Variants in SLC18B1 observed in about 807,000 individuals in gnomAD.
SLC18B1 encodes the protein solute carrier family 18 member B1.
A neutral mutation model predicts 53.9 loss-of-function variants in SLC18B1; 62 were observed. The ratio of observed to expected loss-of-function variants is 1.15; its 90% CI spans 0.94 to 1.42. SLC18B1 has a LOEUF of 1.42. Among genes scored for constraint, SLC18B1 ranks in the 40% most tolerant of loss-of-function variants. The pLI is 0.00. For missense variants in SLC18B1, 598 were observed against 547.3 expected (o/e 1.09, Z -0.93); for synonymous variants, 217 against 200.9 (o/e 1.08, Z -0.68).
chr6:132,780,614 T>C (rs1781213389), intron 6 of SLC18B1, among the ~76,000 whole-genome samples: 1 of 135,274 alleles, frequency 7.4e-6, no homozygotes, highest in Non-Finnish European at 1.5e-5. Flanking sequence ...TTTTTTGGAG[T>C]GCAGTGGTGC....
chr6:132,789,724 A>G (rs780048595), intron 4 of SLC18B1, 40 bp downstream of exon 4: 1 of 1,368,060 alleles, frequency 7.3e-7, no homozygotes, highest in Non-Finnish European at 1.0e-6. Flanking sequence ...ACATTACAAA[A>G]TCTGTTCAAG....
At chr6:132,794,107 A>ATT (rs55943508) in intron 2 of SLC18B1, among the ~76,000 whole-genome samples, 4,951 of 137,954 alleles carry the variant, frequency 0.036, 132 homozygotes, top group African/African-American at 0.066. Flanking sequence ...TTTTTTTTTA[A>ATT]TTTTTTTTTT....
chr6:132,798,443 C>T lies in SLC18B1; in HGVS notation c.14G>A (p.Gly5Asp). The change falls in exon 1 of 14, where the codon GGT becomes GAT. Residue 5 changes from glycine (G) to aspartate (D), a missense_variant. By Grantham distance (94) the Gly-to-Asp change is moderately conservative. Transcript: ENST00000275227. The stretch of plus-strand genomic sequence containing the variant: ...TGGTGCGCGTGGTCCCTCCAGGTCA[C>T]CCAGCGCCTCCATCCCCGGTGCGTG... MEAL[G>D]DLEGPRAPGG... The T allele has an allele frequency of 1.3e-6, 2 of 1,526,676 alleles. No homozygotes were observed. Among genetic ancestry groups the T allele is most frequent in the East Asian group, 2.6e-5 (1 of 38,794 alleles). 94.6% of individuals were successfully genotyped at this position (1,526,676 alleles called of 1,614,324 possible).
intron 5 of SLC18B1, among the ~76,000 whole-genome samples, chr6:132,786,521 C>G (rs559204015): frequency 2.8e-5 from 4 of 144,032 alleles, no homozygotes; most frequent in African/African-American, 1.0e-4. Flanking sequence ...TGCACTCCAG[C>G]CTGGGCTACG....
intron 4 of SLC18B1, among the ~76,000 whole-genome samples, chr6:132,789,171 T>G (rs536157186): frequency 4.6e-5 from 7 of 152,218 alleles, no homozygotes; most frequent in Non-Finnish European, 1.0e-4. Flanking sequence ...GGAAACCATT[T>G]TGTTCCATGC....
intron 1 of SLC18B1, among the ~76,000 whole-genome samples, chr6:132,797,351 G>C (rs895235443): frequency 2.6e-5 from 4 of 152,238 alleles, no homozygotes; most frequent in Non-Finnish European, 5.9e-5. Context: ...TGTAATCCCA[G>C]AACTTTGGGA....
chr6:132,776,536 A>G (rs1781105411), intron 7 of SLC18B1, 107 bp from the exon 8 acceptor site: 1 of 745,394 alleles, frequency 1.3e-6, no homozygotes, highest in Non-Finnish European at 2.1e-6. Flanking sequence ...TGAGTCTACT[A>G]ATAATATTCT....
rs574071799 is a variant in SLC18B1 at position 132,776,317 on chromosome 6, A to G, written c.897+11T>C. ...ACAAAAGTGACTCAAATATAAATTA[A>G]GTGTACGTACTGGCCTTTTATCACT... On this transcript the variant is annotated intron_variant, in intron 8 of 13. Coordinates refer to ENST00000275227, the MANE Select transcript of SLC18B1 (RefSeq NM_052831.3). 1.3e-6 allele frequency: 2 copies of G among 1,595,786 alleles called. No homozygotes were observed. Among genetic ancestry groups the G allele is most frequent in the South Asian group, 1.1e-5 (1 of 89,588 alleles).
chr6:132,796,922 G>C, intron 2 of SLC18B1, 60 bp downstream of exon 2: 1 of 1,529,154 alleles, frequency 6.5e-7, no homozygotes, highest in East Asian at 2.3e-5. Flanking sequence ...TAATTCAAAA[G>C]GCTTTTAAAA....
At chr6:132,781,423 T>C (rs1781232331) in intron 6 of SLC18B1, among the ~76,000 whole-genome samples, 1 of 151,952 alleles carries the variant, frequency 6.6e-6, no homozygotes, top group South Asian at 2.1e-4. Flanking sequence ...TGGCACTACT[T>C]ACACAAAATC....
intron 5 of SLC18B1, among the ~76,000 whole-genome samples, chr6:132,785,897 C>CAAAAAAAAAAAAAAAAAAAAAA (rs71545048): frequency 2.6e-4 from 21 of 81,172 alleles, no homozygotes; most frequent in African/African-American, 4.0e-4. Flanking sequence ...CCTGTCTCTA[C>CAAAAAAAAAAAAAAAAAAAAAA]AAAAAAAAAA....
intron 4 of SLC18B1, chr6:132,789,360 T>C (rs1427912616): frequency 6.1e-6 from 1 of 162,838 alleles, no homozygotes; most frequent in Non-Finnish European, 1.3e-5. Context: ...AGGGGAGGGC[T>C]TGTTCAAATC....
rs1780958065 is a variant in SLC18B1, at chr6:132,771,040, A to T, written c.1250T>A (p.Ile417Lys). The change falls in exon 12 of 14, where the codon ATA becomes AAA. Residue 417 changes from isoleucine (I) to lysine (K), a missense_variant. By Grantham distance (102) the Ile-to-Lys change is moderately radical. Coordinates refer to ENST00000275227, the MANE Select transcript of SLC18B1 (RefSeq NM_052831.3). ...AAAIQGLWAL[I>K]SGLAMGLFYL... is the part of the protein sequence containing the mutation. ...AATAAAAGACTGATTACTCACACTTATCAGAGCCCATAGACCTTGTATAGC... is the reference window on the plus strand; with the variant it reads ...AATAAAAGACTGATTACTCACACTTTTCAGAGCCCATAGACCTTGTATAGC... The T allele has an allele frequency of 6.2e-7, 1 of 1,613,788 alleles. No homozygotes were observed. Among genetic ancestry groups the T allele is most frequent in the African/African-American group, 1.3e-5 (1 of 74,924 alleles).
At chr6:132,777,163 C>T (rs542183104) in intron 7 of SLC18B1, among the ~76,000 whole-genome samples, 1 of 151,910 alleles carries the variant, frequency 6.6e-6, no homozygotes, top group African/African-American at 2.4e-5. Flanking sequence ...ATTGCTTGAA[C>T]TTAGGAGGCA....
intron 7 of SLC18B1, among the ~76,000 whole-genome samples, chr6:132,777,947 C>T (rs1781140307): frequency 6.6e-6 from 1 of 152,152 alleles, no homozygotes; most frequent in Admixed American, 6.5e-5. Flanking sequence ...TTTGTGTGAG[C>T]AATAAAGCTT....
chr6:132,795,413 C>T (rs1781651237), intron 2 of SLC18B1, among the ~76,000 whole-genome samples: 1 of 152,156 alleles, frequency 6.6e-6, no homozygotes, highest in South Asian at 2.1e-4. Context: ...ACCGTTTCTT[C>T]ATTTGCAACA....
chr6:132,792,280 AAAGG>A (rs1257594115), intron 2 of SLC18B1, among the ~76,000 whole-genome samples: 683 of 42,632 alleles, frequency 0.016, 78 homozygotes, highest in African/African-American at 0.028. Flanking sequence ...AGAAAGAAAG[AAAGG>A]AAGAAAGGAA....
chr6:132,787,238 G>A (rs542272315), intron 5 of SLC18B1, among the ~76,000 whole-genome samples, 196 bp downstream of exon 5: 1 of 152,238 alleles, frequency 6.6e-6, no homozygotes, highest in East Asian at 1.9e-4. Context: ...TCTAAAACCA[G>A]GAAGAGCACC....
At chr6:132,770,775 C>T in intron 13 of SLC18B1, 115 bp downstream of exon 13, 1 of 991,836 alleles carries the variant, frequency 1.0e-6, no homozygotes, top group Non-Finnish European at 1.5e-6. Context: ...AACTGATGAG[C>T]CTCAGAGTGC....
Sources: allele counts gnomAD v4.1 joint callset (sites outside exome capture counted in the v4.1 genomes callset), GRCh38; gene constraint gnomAD v4.1.1; transcripts MANE v1.5; gene names NCBI Gene and HGNC (gene_info 2026-07-23, HGNC 2026-07-21).